The following SEPTIN8 variants were observed in gnomAD, a reference collection of about 807,000 sequenced individuals.
SEPTIN8 encodes septin-8.
A neutral mutation model predicts 53.1 loss-of-function variants in SEPTIN8; 22 were observed. That is an observed-to-expected ratio of 0.41 (90% CI 0.30 to 0.59). SEPTIN8 has a LOEUF of 0.59. Among genes scored for constraint, SEPTIN8 ranks in the 20% least tolerant of loss-of-function variants. The pLI is 0.24. For missense variants in SEPTIN8, 536 were observed against 638.7 expected, an observed-to-expected ratio of 0.84 and a Z score of 1.73; for synonymous variants, 228 against 248.4, an observed-to-expected ratio of 0.92 and a Z score of 0.77.
At chr5:132,765,329 C>T in intron 2 of SEPTIN8, 80 bp downstream of exon 2, 1 of 1,543,936 alleles carries the variant, frequency 6.5e-7, no homozygotes, top group Admixed American at 1.9e-5. Context: ...CCCCTTGCAG[C>T]TCAACAGGGG....
rs112967599 is a variant in SEPTIN8 at position 132,776,870 on chromosome 5, C to T, written c.30+238G>A. Among the ~76,000 whole-genome samples the T allele has an allele frequency of 2.6e-5, 4 of 152,140 alleles. No homozygotes were observed. Among genetic ancestry groups the T allele is most frequent in the African/African-American group, 9.7e-5 (4 of 41,450 alleles). On this transcript the variant is annotated intron_variant, in intron 1 of 9. Coordinates refer to ENST00000378719, the MANE Select transcript of SEPTIN8 (RefSeq NM_001098811.2). This position sits in a 1 kb window ranked among gnomAD's most constrained non-coding sequence, Gnocchi z 4.4. ...TGCTCCTTCCCGCGAAAGGGGTTAG[C>T]CTTGCCTGCGCCCCAGGAAGCGACC...
In SEPTIN8 at chr5:132,761,659, G is replaced by A. The variant is rs1300289486; in HGVS notation, c.794-33C>T. 13 of 1,609,744 alleles carry A rather than the reference G, an allele frequency of 8.1e-6. No individual in the cohort carries two copies. In the East Asian group the frequency reaches 1.3e-4, roughly 17 times the overall value. On this transcript the variant is annotated intron_variant, in intron 6 of 9. Coordinates refer to ENST00000378719, the MANE Select transcript of SEPTIN8 (RefSeq NM_001098811.2). This position sits in a 1 kb window ranked among gnomAD's most constrained non-coding sequence, Gnocchi z 5.8. ...CAGAGGGCCGGTGGGGTATCAGGCA[G>A]GCATGCAGGCGGGCACACTCCAGAG...
chr5:132,758,528 C>T (rs182822481), intron 9 of SEPTIN8: 1 of 1,613,432 alleles, frequency 6.2e-7, no homozygotes, highest in African/African-American at 1.3e-5. Flanking sequence ...GGAATAGTGA[C>T]ACTGTAAATG....
At chr5:132,770,024 C>CAT (rs1757068039) in intron 1 of SEPTIN8, among the ~76,000 whole-genome samples, 2 of 29,640 alleles carry the variant, frequency 6.7e-5, no homozygotes, top group Non-Finnish European at 1.5e-4. Flanking sequence ...TATATATATA[C>CAT]ACACACATAT....
At chr5:132,752,909 A>G (rs1399799247) in intron 9 of SEPTIN8, 2 of 1,614,216 alleles carry the variant, frequency 1.2e-6, no homozygotes, top group Non-Finnish European at 1.7e-6. Context: ...CTTGTAATGC[A>G]GCAACTGAGA....
chr5:132,757,213 G>C lies in SEPTIN8; in HGVS notation c.1286+3589C>G, dbSNP rs902363683. The C allele has an allele frequency of 3.1e-6, 3 of 981,756 alleles. No homozygotes were observed. In the Admixed American group the frequency reaches 1.8e-4, roughly 60 times the overall value. The allele number at this position is 981,756 out of a possible 1,614,324, so 60.8% of individuals were successfully genotyped here. On this transcript the variant is annotated intron_variant, in intron 9 of 9. Transcript: ENST00000378719. ...AAAGAAGTCTTTCTAAATAATTCAA[G>C]CTTTCAGCCCCATAAAATTTAGATC...
rs1755773916 is a variant in SEPTIN8, at chr5:132,760,346, C to CCATTCCCAG, written c.1286+447_1286+455dup. Among the ~76,000 whole-genome samples, 1 of 152,134 alleles carries CCATTCCCAG rather than the reference C, an allele frequency of 6.6e-6. No homozygotes were observed. The highest frequency in any genetic ancestry group is 2.4e-5 in the African/African-American group (1 of 41,442). On this transcript the variant is annotated intron_variant, in intron 9 of 9. Coordinates refer to ENST00000378719, the MANE Select transcript of SEPTIN8 (RefSeq NM_001098811.2). The surrounding 1 kb of genome is among the most constrained non-coding windows in gnomAD (Gnocchi z 5.2). ...CCTGTCCCGCCCCTGGCCTGAAAGA[C>CCATTCCCAG]CATTCCCAGCATTCCCAGAGCCCTG...
intron 1 of SEPTIN8, among the ~76,000 whole-genome samples, chr5:132,768,731 G>T (rs1419030160): frequency 6.6e-6 from 1 of 152,208 alleles, no homozygotes; most frequent in Non-Finnish European, 1.5e-5. Context: ...AGTGACGCAG[G>T]TTGAGCCTTT....
intron 1 of SEPTIN8, among the ~76,000 whole-genome samples, chr5:132,769,706 G>A (rs149218941): frequency 7.9e-5 from 12 of 151,970 alleles, no homozygotes; most frequent in Middle Eastern, 6.8e-3. Context: ...GCTCAGGAGA[G>A]CAAAGCCAGG....
At chr5:132,766,288 AC>A (rs949824160) in intron 1 of SEPTIN8, among the ~76,000 whole-genome samples, 12 of 151,424 alleles carry the variant, frequency 7.9e-5, no homozygotes, top group Middle Eastern at 3.4e-3. Flanking sequence ...CCACCCTTCC[AC>A]CCCCATCTCA....
rs1755918114 is a variant in SEPTIN8 at position 132,761,293 on chromosome 5, A to G, written c.963-28T>C. On this transcript the variant is annotated intron_variant, in intron 7 of 9. Transcript: ENST00000378719. The surrounding 1 kb of genome is among the most constrained non-coding windows in gnomAD (Gnocchi z 5.8). ...GTGGAGACCCAGAGAAAAGAGGCCA[A>G]GGATGGGATTATGACGGAATGGGAT... 3 of 1,611,654 alleles carry G rather than the reference A, an allele frequency of 1.9e-6. No individual in the cohort carries two copies. In the East Asian group the frequency reaches 6.7e-5, roughly 36 times the overall value.
At chr5:132,762,209 T>G (rs1756052298) in intron 5 of SEPTIN8, among the ~76,000 whole-genome samples, 1 of 152,186 alleles carries the variant, frequency 6.6e-6, no homozygotes, top group South Asian at 2.1e-4. Flanking sequence ...TCCCAAACCC[T>G]TAAGCCTGCT....
Position 132,761,477 on chromosome 5 carries a change from C to T in SEPTIN8, c.943G>A (p.Gly315Ser), listed in dbSNP as rs778048728. Reference protein sequence around the residue: ...LEEMGFQDSDGDSQPFSLQET... With the variant: ...LEEMGFQDSDSDSQPFSLQET... ...TGTCACCTGAAGGGCTGGCTGTCAC[C>T]ATCGCTGTCCTGAAAGCCCATCTCC... The change falls in exon 7 of 10, where the codon GGT becomes AGT. Residue 315 changes from glycine to serine, a missense_variant. Around this residue, in one of 3 missense-constraint regions of SEPTIN8, gnomAD observed 395 missense variants for 451.8 expected, o/e 0.87. Coordinates refer to ENST00000378719, the MANE Select transcript of SEPTIN8 (RefSeq NM_001098811.2). This position sits in a 1 kb window ranked among gnomAD's most constrained non-coding sequence, Gnocchi z 5.8. 7 of 1,612,230 alleles carry T rather than the reference C, an allele frequency of 4.3e-6. No individual in the cohort carries two copies. The highest frequency in any genetic ancestry group is 5.9e-6 in the Non-Finnish European group (7 of 1,179,736).
chr5:132,757,513 C>G, intron 9 of SEPTIN8: 5 of 985,504 alleles, frequency 5.1e-6, no homozygotes, highest in Non-Finnish European at 6.0e-6. Context: ...ACTACCAATT[C>G]CACAATAAAT....
chr5:132,774,663 T>C (rs1407528638), intron 1 of SEPTIN8, among the ~76,000 whole-genome samples: 1 of 152,142 alleles, frequency 6.6e-6, no homozygotes, highest in Non-Finnish European at 1.5e-5. Flanking sequence ...CACATCCATC[T>C]CAAAGTACAA....
chr5:132,771,964 C>G (rs1428300944), intron 1 of SEPTIN8, among the ~76,000 whole-genome samples: 1 of 152,094 alleles, frequency 6.6e-6, no homozygotes, highest in African/African-American at 2.4e-5. Context: ...AAGAGGACAC[C>G]TGGGAGCCAA....
At chr5:132,758,975 C>A in intron 9 of SEPTIN8, 1 of 795,086 alleles carries the variant, frequency 1.3e-6, no homozygotes, top group East Asian at 2.6e-5. Context: ...GAATTCACCT[C>A]AGTTTGTGGT....
chr5:132,771,442 G>T (rs1205261570), intron 1 of SEPTIN8, among the ~76,000 whole-genome samples: 2 of 152,184 alleles, frequency 1.3e-5, no homozygotes, highest in African/African-American at 4.8e-5. Context: ...GCCTTCCAGA[G>T]TTCTCCAGTG....
chr5:132,757,593 G>A (rs1019846407), intron 9 of SEPTIN8: 10 of 985,172 alleles, frequency 1.0e-5, no homozygotes, highest in Non-Finnish European at 3.6e-6. Context: ...GGAGCGTTGT[G>A]CATTCCTCTG....
Sources: gnomAD v4.1 joint callset for allele counts (sites outside exome capture counted in the v4.1 genomes callset) on GRCh38, gnomAD v4.1.1 for gene constraint, gnomAD v4.1.1 regional missense constraint, Gnocchi (gnomAD v3.1) non-coding constraint, MANE v1.5 for transcripts, NCBI Gene and HGNC (gene_info 2026-07-23, HGNC 2026-07-21) for gene names.